RALGAPA2: variants seen among roughly 807,000 people sequenced by gnomAD.
RALGAPA2 encodes the protein Ral GTPase activating protein catalytic subunit alpha 2, also known as ral GTPase-activating protein subunit alpha-2.
Under a neutral mutation model 230.4 loss-of-function variants are expected in RALGAPA2, and 139 were observed. That is an observed-to-expected ratio of 0.60 (90% CI 0.53 to 0.69). The LOEUF (loss-of-function observed/expected upper bound fraction) is 0.69. Among genes scored for constraint, RALGAPA2 ranks in the 30% least tolerant of loss-of-function variants. The pLI is 0.00. For synonymous variants in RALGAPA2, 847 were observed against 837.8 expected, an observed-to-expected ratio of 1.01 and a Z score of -0.19; for missense variants, 2,163 against 2,276.0, an observed-to-expected ratio of 0.95 and a Z score of 1.01.
Position 20,623,497 on chromosome 20 carries a change from T to C in RALGAPA2, c.1234-2867A>G, listed in dbSNP as rs188018990. Among the ~76,000 whole-genome samples, 18 of 147,794 alleles carry C rather than the reference T, an allele frequency of 1.2e-4. No individual in the cohort carries two copies. In the South Asian group the frequency reaches 2.1e-3, roughly 17 times the overall value. On this transcript the variant is annotated intron_variant, in intron 10 of 39. Coordinates refer to ENST00000202677, the MANE Select transcript of RALGAPA2 (RefSeq NM_020343.4). ...AAAATAGAGCAAAAACTGATAGGCT[T>C]TCAAAAAAAAAAAAAAAACAAATCC... is the stretch of plus-strand genomic sequence containing the variant.
At chr20:20,459,708 C>A (rs1228404453) in intron 37 of RALGAPA2, among the ~76,000 whole-genome samples, 2 of 152,170 alleles carry the variant, frequency 1.3e-5, no homozygotes, top group Non-Finnish European at 2.9e-5. Flanking sequence ...GTATGAATAT[C>A]TTTTTGTAAA....
intron 1 of RALGAPA2, among the ~76,000 whole-genome samples, chr20:20,702,257 G>A (rs1018214233): frequency 3.3e-5 from 5 of 152,140 alleles, no homozygotes; most frequent in Admixed American, 2.0e-4. Context: ...CACCATCCAG[G>A]AAATGGATGG....
intron 30 of RALGAPA2, 116 bp from the exon 31 acceptor site, chr20:20,521,216 A>G (rs1473479817): frequency 5.1e-6 from 4 of 783,832 alleles, no homozygotes; most frequent in Admixed American, 5.4e-5. Context: ...CTAGCTGGAA[A>G]TGGAATGACC....
chr20:20,441,725 T>C (rs1250385784), intron 37 of RALGAPA2, among the ~76,000 whole-genome samples: 1 of 152,228 alleles, frequency 6.6e-6, no homozygotes, highest in Non-Finnish European at 1.5e-5. Context: ...AAAAACAAAG[T>C]TACAGAGGTA....
rs550559468 is a variant in RALGAPA2, at chr20:20,458,119, T to C, written c.5495+14710A>G. Among the ~76,000 whole-genome samples, 3 of 152,236 alleles carry C rather than the reference T, an allele frequency of 2.0e-5. No homozygotes were observed. In the South Asian group the frequency reaches 6.2e-4, roughly 32 times the overall value. On this transcript the variant is annotated intron_variant, in intron 37 of 39. Coordinates refer to ENST00000202677, the MANE Select transcript of RALGAPA2 (RefSeq NM_020343.4). ...TTAGCCATTCCTTTAGGAAGAAAGA[T>C]ACTGCTCCCACAAAAGAAAAGGAGA... is the stretch of plus-strand genomic sequence containing the variant.
intron 38 of RALGAPA2, among the ~76,000 whole-genome samples, chr20:20,407,530 C>T (rs1346181903): frequency 2.0e-5 from 3 of 152,184 alleles, no homozygotes; most frequent in Admixed American, 6.5e-5. Flanking sequence ...GTAGCCATAT[C>T]CCTCTGGGCA....
chr20:20,486,503 T>C (rs2061915150), intron 36 of RALGAPA2, among the ~76,000 whole-genome samples: 1 of 152,222 alleles, frequency 6.6e-6, no homozygotes, highest in Non-Finnish European at 1.5e-5. Context: ...GGTGCCAGCA[T>C]AGGAGCCCTC....
intron 2 of RALGAPA2, among the ~76,000 whole-genome samples, chr20:20,677,769 A>G (rs1024802172): frequency 6.8e-6 from 1 of 147,492 alleles, no homozygotes. Flanking sequence ...TCAGCCTCCC[A>G]AGTAGCTGGG....
At position 20,605,396 on chromosome 20, in the gene RALGAPA2, C is replaced by T; in HGVS notation, c.1817G>A (p.Trp606Ter). The change falls in exon 15 of 40, where the codon TGG becomes TAG. Residue 606 changes from tryptophan to a stop codon, truncating the protein, a stop_gained. Coordinates refer to ENST00000202677, the MANE Select transcript of RALGAPA2 (RefSeq NM_020343.4). LOFTEE classifies it high-confidence loss of function. ...GTACACACAGAGGTTTGCTCGGATC[C>T]AAGCTACCATGAGCGTCTAAAACCA... ...GLLFRTLMVA[W>*]IRANLCVYIS... The T allele has an allele frequency of 6.2e-7, 1 of 1,613,562 alleles. No homozygotes were observed. Among genetic ancestry groups the T allele is most frequent in the Non-Finnish European group, 8.5e-7 (1 of 1,179,634 alleles).
At chr20:20,462,973 ATAATTAG>A (rs2061337177) in intron 37 of RALGAPA2, among the ~76,000 whole-genome samples, 1 of 152,234 alleles carries the variant, frequency 6.6e-6, no homozygotes, top group South Asian at 2.1e-4. Flanking sequence ...CATGGGACTG[ATAATTAG>A]TAAACTGAAA....
intron 37 of RALGAPA2, among the ~76,000 whole-genome samples, chr20:20,412,571 C>T (rs767336771): frequency 8.5e-5 from 13 of 152,084 alleles, no homozygotes; most frequent in Non-Finnish European, 1.5e-4. Flanking sequence ...CTTGGTGATA[C>T]GACAGTGCAG....
At chr20:20,418,298 CATCTTAT>C (rs1257154044) in intron 37 of RALGAPA2, among the ~76,000 whole-genome samples, 1 of 152,118 alleles carries the variant, frequency 6.6e-6, no homozygotes, top group Non-Finnish European at 1.5e-5. Flanking sequence ...AACAAAATAC[CATCTTAT>C]ATATCCCAGA....
chr20:20,584,650 T>C (rs139616582), intron 19 of RALGAPA2, among the ~76,000 whole-genome samples: 1 of 152,258 alleles, frequency 6.6e-6, no homozygotes, highest in East Asian at 1.9e-4. Context: ...CGCATTGACA[T>C]GTGCCTGTAG....
At chr20:20,652,699 A>C (rs1603203582) in intron 4 of RALGAPA2, among the ~76,000 whole-genome samples, 1 of 152,202 alleles carries the variant, frequency 6.6e-6, no homozygotes, top group East Asian at 1.9e-4. Context: ...TTTAAAACGG[A>C]AGGCAGAATT....
chr20:20,458,747 T>TAG (rs2061204742), intron 37 of RALGAPA2, among the ~76,000 whole-genome samples: 1 of 118,588 alleles, frequency 8.4e-6, no homozygotes, highest in African/African-American at 3.2e-5. Context: ...TATATATATA[T>TAG]ACATACACAC....
intron 37 of RALGAPA2, among the ~76,000 whole-genome samples, chr20:20,440,553 G>A (rs2060715696): frequency 6.6e-6 from 1 of 152,176 alleles, no homozygotes; most frequent in South Asian, 2.1e-4. Context: ...AGCTTTGTCA[G>A]CTTTACCTGC....
chr20:20,426,928 C>A (rs377611843), intron 37 of RALGAPA2, among the ~76,000 whole-genome samples: 1 of 152,200 alleles, frequency 6.6e-6, no homozygotes, highest in African/African-American at 2.4e-5. Context: ...CTCATTTAAT[C>A]CTCACAACTT....
At chr20:20,660,470 A>G (rs1473192601) in intron 3 of RALGAPA2, among the ~76,000 whole-genome samples, 1 of 152,096 alleles carries the variant, frequency 6.6e-6, no homozygotes, top group Non-Finnish European at 1.5e-5. Flanking sequence ...GTATCAACAA[A>G]TATGAGAATT....
chr20:20,577,169 T>C (rs907058467), intron 20 of RALGAPA2, among the ~76,000 whole-genome samples: 39 of 152,092 alleles, frequency 2.6e-4, no homozygotes, highest in African/African-American at 9.4e-4. Flanking sequence ...TTGTTGGCAT[T>C]TTTAAGGCCT....
Sources: allele counts gnomAD v4.1 joint callset (sites outside exome capture counted in the v4.1 genomes callset), GRCh38; gene constraint gnomAD v4.1.1; transcripts MANE v1.5; gene names NCBI Gene and HGNC (gene_info 2026-07-23, HGNC 2026-07-21).